Variants in PDE11A observed in about 807,000 individuals in gnomAD.
PDE11A encodes dual 3',5'-cyclic-AMP and -GMP phosphodiesterase 11A.
Under a neutral mutation model 100.5 loss-of-function variants are expected in PDE11A, and 100 were observed. That is an observed-to-expected ratio of 1.00 (90% CI 0.85 to 1.18). The LOEUF (loss-of-function observed/expected upper bound fraction) is 1.18. PDE11A is among the 50% of genes most tolerant of loss of function. PDE11A has a pLI of 0.00. For synonymous variants in PDE11A, 381 were observed against 420.8 expected (o/e 0.91, Z 1.16); for missense variants, 1,141 against 1,152.6 (o/e 0.99, Z 0.15).
chr2:177,828,860 T>C (rs1045951957), intron 6 of PDE11A, among the ~76,000 whole-genome samples: 2 of 151,998 alleles, frequency 1.3e-5, no homozygotes, highest in African/African-American at 4.8e-5. Flanking sequence ...CACTGAAGAG[T>C]GTGTGAGCAG....
intron 12 of PDE11A, among the ~76,000 whole-genome samples, chr2:177,720,431 G>A (rs2081509390): frequency 6.6e-6 from 1 of 152,110 alleles, no homozygotes; most frequent in African/African-American, 2.4e-5. Flanking sequence ...AAACTTCAAT[G>A]GAGGGGAAAA....
intron 2 of PDE11A, among the ~76,000 whole-genome samples, chr2:177,910,760 TGC>T (rs2084868704): frequency 6.6e-6 from 1 of 152,188 alleles, no homozygotes; most frequent in African/African-American, 2.4e-5. Context: ...ATCACTAATA[TGC>T]ATAGAATTTG....
intron 4 of PDE11A, among the ~76,000 whole-genome samples, chr2:177,878,037 G>A (rs771353490): frequency 6.6e-6 from 1 of 152,118 alleles, no homozygotes; most frequent in Non-Finnish European, 1.5e-5. Flanking sequence ...ATGAACTCAA[G>A]CTAGGCAAAT....
chr2:177,997,326 T>C (rs1326403338), intron 2 of PDE11A: 1 of 905,814 alleles, frequency 1.1e-6, no homozygotes, highest in African/African-American at 1.6e-5. Flanking sequence ...GGATTATAAA[T>C]CTGCCTGGCA....
chr2:177,773,452 C>A (rs1389738782), intron 9 of PDE11A, among the ~76,000 whole-genome samples: 1 of 152,132 alleles, frequency 6.6e-6, no homozygotes, highest in Non-Finnish European at 1.5e-5. Context: ...AAGAATAAGA[C>A]CTTAACGAAA....
At chr2:178,051,607 G>A (rs1330086684) in intron 1 of PDE11A, among the ~76,000 whole-genome samples, 1 of 152,118 alleles carries the variant, frequency 6.6e-6, no homozygotes, top group South Asian at 2.1e-4. Context: ...ATATTCAGGA[G>A]ACCTATCTCA....
chr2:177,994,827 A>G (rs2086049777), intron 2 of PDE11A, among the ~76,000 whole-genome samples: 1 of 152,180 alleles, frequency 6.6e-6, no homozygotes, highest in South Asian at 2.1e-4. Context: ...AATTACAAAA[A>G]GAAATTCATT....
Position 178,011,525 on chromosome 2 carries a change from T to C in PDE11A, c.1071+2777A>G, listed in dbSNP as rs534119794. On this transcript the variant is annotated intron_variant, in intron 2 of 19. Transcript: ENST00000286063. The stretch of plus-strand genomic sequence containing the variant: ...TATAGGGGAAGAGGTGCAGAGCTTC[T>C]GATCCTTCTCTGGGTGTGCCACCCT... Among the ~76,000 whole-genome samples the C allele has an allele frequency of 2.0e-5, 3 of 152,328 alleles. No homozygotes were observed. The East Asian group carries it at 5.8e-4, about 29-fold the overall frequency.
At chr2:177,971,707 C>T (rs572959349) in intron 2 of PDE11A, among the ~76,000 whole-genome samples, 13 of 152,030 alleles carry the variant, frequency 8.6e-5, no homozygotes, top group African/African-American at 1.2e-4. Flanking sequence ...TAATAAGTCC[C>T]GTTATGTAAG....
intron 2 of PDE11A, among the ~76,000 whole-genome samples, chr2:178,011,501 A>G (rs959801673): frequency 6.6e-6 from 1 of 152,200 alleles, no homozygotes; most frequent in African/African-American, 2.4e-5. Flanking sequence ...AGGGCGAGGT[A>G]TAGGGGAAGA....
intron 19 of PDE11A, among the ~76,000 whole-genome samples, chr2:177,652,771 C>T (rs1190634502): frequency 6.6e-6 from 1 of 152,166 alleles, no homozygotes; most frequent in Non-Finnish European, 1.5e-5. Context: ...GCATTTTGGC[C>T]TTGTTTTACA....
At chr2:177,935,083 A>C (rs1282182556) in intron 2 of PDE11A, among the ~76,000 whole-genome samples, 1 of 152,182 alleles carries the variant, frequency 6.6e-6, no homozygotes, top group Non-Finnish European at 1.5e-5. Context: ...AAAACTGGAC[A>C]TGTACCTCCT....
intron 13 of PDE11A, among the ~76,000 whole-genome samples, chr2:177,710,349 T>C (rs2081341486): frequency 6.6e-6 from 1 of 151,534 alleles, no homozygotes; most frequent in Non-Finnish European, 1.5e-5. Flanking sequence ...CAAGGTGATC[T>C]GCTGAGTGGT....
intron 6 of PDE11A, among the ~76,000 whole-genome samples, chr2:177,832,414 T>C (rs902288672): frequency 1.2e-4 from 18 of 152,314 alleles, no homozygotes; most frequent in African/African-American, 4.3e-4. Flanking sequence ...CTTTCTCTTG[T>C]GCTGGATGCT....
chr2:178,057,579 A>G (rs2086913681), intron 1 of PDE11A, among the ~76,000 whole-genome samples: 1 of 152,230 alleles, frequency 6.6e-6, no homozygotes, highest in African/African-American at 2.4e-5. Flanking sequence ...TATGAAATGC[A>G]GAATACATTT....
At position 177,632,697 on chromosome 2, in the gene PDE11A, A is replaced by G. The variant is rs73038621; in HGVS notation, c.2647-3135T>C. 1.6e-3 allele frequency among the ~76,000 whole-genome samples: 249 copies of G among 152,270 alleles called. 1 individual carries two copies. The highest frequency in any genetic ancestry group is 5.6e-3 in the African/African-American group (234 of 41,564). ...CTCCATTCTGCATCATTCCTAATGC[A>G]GTATTTCACTTTATTTCCCCTTTTC... On this transcript the variant is annotated intron_variant, in intron 19 of 19. Coordinates refer to ENST00000286063, the MANE Select transcript of PDE11A (RefSeq NM_016953.4).
intron 19 of PDE11A, among the ~76,000 whole-genome samples, chr2:177,659,453 C>A (rs2080442753): frequency 6.6e-6 from 1 of 152,100 alleles, no homozygotes; most frequent in Non-Finnish European, 1.5e-5. Flanking sequence ...CTGGCCAGGT[C>A]ACATCCTTTT....
intron 2 of PDE11A, among the ~76,000 whole-genome samples, chr2:177,917,665 T>C (rs1452876026): frequency 6.6e-6 from 1 of 152,224 alleles, no homozygotes; most frequent in Non-Finnish European, 1.5e-5. Context: ...TTTAAGACTG[T>C]GGCTTAGCAT....
intron 1 of PDE11A, among the ~76,000 whole-genome samples, chr2:178,035,277 A>C (rs1250369161): frequency 1.3e-5 from 2 of 152,228 alleles, no homozygotes; most frequent in African/African-American, 2.4e-5. Flanking sequence ...GAAAATCTAG[A>C]AGAAATGACA....
Sources: gnomAD v4.1 joint callset for allele counts (sites outside exome capture counted in the v4.1 genomes callset) on GRCh38, gnomAD v4.1.1 for gene constraint, MANE v1.5 for transcripts, NCBI Gene and HGNC (gene_info 2026-07-23, HGNC 2026-07-21) for gene names.